Variants in CNTNAP2 observed in about 807,000 individuals in gnomAD.
CNTNAP2 encodes the protein contactin-associated protein-like 2.
A neutral mutation model predicts 155.2 loss-of-function variants in CNTNAP2; 98 were observed. The observed-to-expected ratio is 0.63, with a 90% confidence interval of 0.54 to 0.75. The LOEUF (loss-of-function observed/expected upper bound fraction) is 0.75. Ranked by LOEUF, CNTNAP2 falls within the 30% of genes least tolerant of loss-of-function variation. The pLI is 0.00. For synonymous variants in CNTNAP2, 651 were observed against 631.2 expected (o/e 1.03, Z -0.47); for missense variants, 1,727 against 1,688.1 (o/e 1.02, Z -0.40).
rs191139885 is a variant in CNTNAP2 at position 146,895,716 on chromosome 7, G to A, written c.402+55812G>A. Among the ~76,000 whole-genome samples the A allele has an allele frequency of 6.3e-4, 96 of 152,090 alleles. 1 individual carries two copies. The highest frequency in any genetic ancestry group is 4.1e-3 in the South Asian group (20 of 4,820). ...GGCACCATGGACACATAACTTCTCC[G>A]AAAAAGGAGTTTCTCTTTTGAAATG... On this transcript the variant is annotated intron_variant, in intron 3 of 23. Coordinates refer to ENST00000361727, the MANE Select transcript of CNTNAP2 (RefSeq NM_014141.6).
intron 1 of CNTNAP2, among the ~76,000 whole-genome samples, chr7:146,585,476 T>C (rs1247880367): frequency 6.6e-6 from 1 of 152,062 alleles, no homozygotes; most frequent in Non-Finnish European, 1.5e-5. Context: ...GAGCCTTAAA[T>C]AAGGTAATGG....
intron 4 of CNTNAP2, among the ~76,000 whole-genome samples, chr7:147,105,259 A>G (rs1373690204): frequency 6.6e-6 from 1 of 151,964 alleles, no homozygotes; most frequent in Non-Finnish European, 1.5e-5. Context: ...GTTTTCTACC[A>G]TGATGATTTG....
chr7:147,107,016 T>C (rs762212399), intron 4 of CNTNAP2, among the ~76,000 whole-genome samples: 18 of 152,186 alleles, frequency 1.2e-4, no homozygotes, highest in Non-Finnish European at 2.5e-4. Context: ...ACCCAAAACC[T>C]AGAGGCTAGC....
At chr7:147,094,560 C>A (rs1408185038) in intron 4 of CNTNAP2, among the ~76,000 whole-genome samples, 1 of 146,166 alleles carries the variant, frequency 6.8e-6, no homozygotes, top group African/African-American at 2.7e-5. Flanking sequence ...CGCCACCACG[C>A]CTGGCTATTT....
chr7:146,197,112 A>G (rs1399987407), intron 1 of CNTNAP2, among the ~76,000 whole-genome samples: 1 of 152,192 alleles, frequency 6.6e-6, no homozygotes, highest in African/African-American at 2.4e-5. Context: ...CAGGTTGAAA[A>G]GTTTTTCCAC....
At chr7:147,903,147 G>T (rs1799902136) in intron 13 of CNTNAP2, among the ~76,000 whole-genome samples, 1 of 151,966 alleles carries the variant, frequency 6.6e-6, no homozygotes, top group Non-Finnish European at 1.5e-5. Flanking sequence ...ATTATTTTTT[G>T]ATTTTTTGAT....
chr7:147,675,311 A>T lies in CNTNAP2; in HGVS notation c.2098+36005A>T, dbSNP rs550174453. Among the ~76,000 whole-genome samples the T allele has an allele frequency of 9.9e-5, 15 of 152,262 alleles. No individual in the cohort carries two copies. In the South Asian group the frequency reaches 3.1e-3, roughly 32 times the overall value. On this transcript the variant is annotated intron_variant, in intron 13 of 23. Transcript: ENST00000361727. ...CAGGATGATTAATTTTGAGATCCTT[A>T]ACTTAAACATATCTGCAAAAATCCA...
chr7:147,327,802 T>A (rs1283396801), intron 9 of CNTNAP2, among the ~76,000 whole-genome samples: 3 of 152,200 alleles, frequency 2.0e-5, no homozygotes. Context: ...TCCACAAGAA[T>A]ACTTGAAATT....
intron 15 of CNTNAP2, among the ~76,000 whole-genome samples, chr7:148,048,862 T>C (rs1433275466): frequency 6.6e-6 from 1 of 152,138 alleles, no homozygotes; most frequent in Non-Finnish European, 1.5e-5. Context: ...AAATAAAATC[T>C]CCCTTATATA....
At chr7:146,425,952 G>A (rs1796080640) in intron 1 of CNTNAP2, among the ~76,000 whole-genome samples, 1 of 151,942 alleles carries the variant, frequency 6.6e-6, no homozygotes, top group South Asian at 2.1e-4. Context: ...TTGGGAGGCC[G>A]AGGTGTGTGG....
At chr7:148,176,192 T>C (rs10257996) in intron 18 of CNTNAP2, among the ~76,000 whole-genome samples, 2,123 of 149,654 alleles carry the variant, frequency 0.014, 49 homozygotes, top group African/African-American at 0.049. Context: ...CAAAACCCTT[T>C]TTTCTTTTCT....
intron 14 of CNTNAP2, among the ~76,000 whole-genome samples, chr7:147,907,779 T>C (rs922251854): frequency 6.6e-6 from 1 of 150,506 alleles, no homozygotes; most frequent in Non-Finnish European, 1.5e-5. Flanking sequence ...TTTTAAAATT[T>C]ATTTTCTTTA....
At chr7:146,335,143 C>T (rs1801252973) in intron 1 of CNTNAP2, among the ~76,000 whole-genome samples, 2 of 152,202 alleles carry the variant, frequency 1.3e-5, no homozygotes, top group South Asian at 4.1e-4. Flanking sequence ...TGAAGATTTC[C>T]ACTGACTATG....
At chr7:148,231,819 C>G (rs1175214387) in intron 20 of CNTNAP2, among the ~76,000 whole-genome samples, 1 of 152,162 alleles carries the variant, frequency 6.6e-6, no homozygotes, top group Non-Finnish European at 1.5e-5. Flanking sequence ...AATCACATCT[C>G]TTGATTAGAG....
At chr7:147,992,159 A>T (rs1050535996) in intron 15 of CNTNAP2, among the ~76,000 whole-genome samples, 16 of 119,160 alleles carry the variant, frequency 1.3e-4, no homozygotes, top group African/African-American at 5.4e-4. Flanking sequence ...CAGTGGCGTG[A>T]TCTCGGCTCA....
intron 13 of CNTNAP2, among the ~76,000 whole-genome samples, chr7:147,767,707 T>C (rs572065128): frequency 1.3e-5 from 2 of 152,176 alleles, no homozygotes; most frequent in Admixed American, 6.6e-5. Flanking sequence ...CCATAGTGTT[T>C]GCAGTATCCA....
intron 13 of CNTNAP2, among the ~76,000 whole-genome samples, chr7:147,837,236 T>C (rs1798649240): frequency 6.6e-6 from 1 of 152,146 alleles, no homozygotes; most frequent in Non-Finnish European, 1.5e-5. Context: ...AAGGTGAAAG[T>C]CACGTCTCAC....
intron 13 of CNTNAP2, among the ~76,000 whole-genome samples, chr7:147,683,112 G>A (rs1166743087): frequency 1.3e-5 from 2 of 151,730 alleles, no homozygotes; most frequent in Non-Finnish European, 2.9e-5. Flanking sequence ...TGAAGTATTC[G>A]GGGCATTTTC....
rs67818878 is a variant in CNTNAP2 at position 146,399,082 on chromosome 7, A to ATTT, written c.97+282110_97+282111insTTT. On this transcript the variant is annotated intron_variant, in intron 1 of 23. Transcript: ENST00000361727. Reference sequence around the variant, plus strand: ...TTTAAGAACGTTTTGACAAATAAACATATATATTTGTGGTATACAACATTG... The same window carrying ATTT: ...TTTAAGAACGTTTTGACAAATAAACATTTTATATATTTGTGGTATACAACATTG... Among the ~76,000 whole-genome samples the ATTT allele has an allele frequency of 1.6e-3, 86 of 54,432 alleles. No individual in the cohort carries two copies. The African/African-American group carries it at 0.016, about 10-fold the overall frequency. The allele number at this position is 54,432 out of a possible 152,430, so 35.7% of individuals were successfully genotyped here. A position where few individuals can be genotyped will look rare whatever the true frequency, so the allele number is the denominator to read the frequency against.
Sources: allele counts gnomAD v4.1 joint callset (sites outside exome capture counted in the v4.1 genomes callset), GRCh38; gene constraint gnomAD v4.1.1; transcripts MANE v1.5; gene names NCBI Gene and HGNC (gene_info 2026-07-23, HGNC 2026-07-21).